PAK4: variants seen among roughly 807,000 people sequenced by gnomAD.
PAK4 encodes serine/threonine-protein kinase PAK 4.
In PAK4, 49 loss-of-function variants were observed where a neutral mutation model predicts 53.5. That is an observed-to-expected ratio of 0.92 (90% confidence interval 0.73 to 1.16). PAK4 has a LOEUF of 1.16. PAK4 is among the 50% of genes most tolerant of loss of function. The probability of loss-of-function intolerance (pLI) is 0.00; values close to 1 mark genes in which losing one functional copy is unlikely to be tolerated. For synonymous variants in PAK4, 376 were observed against 375.6 expected (o/e 1.00, Z -0.01); for missense variants, 824 against 850.7 (o/e 0.97, Z 0.39).
chr19:39,165,195 G>GATGATGATAATA (rs1364745681), intron 1 of PAK4, among the ~76,000 whole-genome samples: 25 of 128,432 alleles, frequency 1.9e-4, no homozygotes, highest in African/African-American at 7.4e-4. Flanking sequence ...TGATGATGAT[G>GATGATGATAATA]ATAATAATAA....
intron 1 of PAK4, among the ~76,000 whole-genome samples, chr19:39,162,267 T>C (rs571917328): frequency 6.6e-6 from 1 of 151,640 alleles, no homozygotes; most frequent in African/African-American, 2.4e-5. Context: ...AGCCTGTTAT[T>C]CTTATTTTTG....
At position 39,173,957 on chromosome 19, in the gene PAK4, G is replaced by A. The variant is rs547307282; in HGVS notation, c.1045G>A (p.Val349Ile). Residue 349 changes from valine to isoleucine, a missense_variant, in exon 4 of 9, where the codon GTC (valine) becomes ATC (isoleucine). By Grantham distance (29) the Val-to-Ile change is conservative (BLOSUM62 3). Coordinates refer to ENST00000358301, the Ensembl canonical transcript of PAK4. The surrounding 1 kb of genome is among the most constrained non-coding windows in gnomAD (Gnocchi z 6.9). ...GCGCAGCTCGGGCAAGCTGGTGGCC[G>A]TCAAGAAGATGGACCTGCGCAAGCA... 15 of 1,610,124 alleles carry A rather than the reference G, an allele frequency of 9.3e-6. No homozygotes were observed. The highest frequency in any genetic ancestry group is 1.7e-4 in the Middle Eastern group (1 of 6,058).
Position 39,177,668 on chromosome 19 carries a change from G to C in PAK4, c.1486-7G>C, listed in dbSNP as rs200152704. 13 of 1,610,610 alleles carry C rather than the reference G, an allele frequency of 8.1e-6. No homozygotes were observed. In the East Asian group the frequency reaches 1.8e-4, roughly 22 times the overall value. ...GCTCAGCCCTGCTGTCCCTTCTCCCGCCCCAGGTAGACATCTGGTCGCTGG... is the reference window on the plus strand; with the variant it reads ...GCTCAGCCCTGCTGTCCCTTCTCCCCCCCCAGGTAGACATCTGGTCGCTGG... On this transcript the variant is annotated splice_polypyrimidine_tract_variant and splice_region_variant and intron_variant, in intron 7 of 8. Coordinates refer to ENST00000358301, the Ensembl canonical transcript of PAK4.
At chr19:39,132,541 G>A (rs546012883) in intron 1 of PAK4, among the ~76,000 whole-genome samples, 3 of 152,360 alleles carry the variant, frequency 2.0e-5, no homozygotes, top group Admixed American at 2.0e-4. Flanking sequence ...CCACGCACAC[G>A]CGTGCCCCCA....
rs1250191776 is a variant in PAK4 at position 39,158,169 on chromosome 19, TTGTG to T, written c.-22-11362_-22-11359del. On this transcript the variant is annotated intron_variant, in intron 1 of 8. Transcript: ENST00000358301. Reference sequence around the variant, plus strand: ...TGCGTGTGTGCACATGTGTGCATGTTTGTGAGTGTGCATGTGTGTGAGCGTGCAT... The same window carrying T: ...TGCGTGTGTGCACATGTGTGCATGTTAGTGTGCATGTGTGTGAGCGTGCAT... 4.0e-5 allele frequency among the ~76,000 whole-genome samples: 6 copies of T among 149,352 alleles called. No homozygotes were observed. The East Asian group carries it at 9.8e-4, about 24-fold the overall frequency.
chr19:39,166,439 G>T (rs887616768), intron 1 of PAK4, among the ~76,000 whole-genome samples: 4 of 152,202 alleles, frequency 2.6e-5, no homozygotes, highest in Non-Finnish European at 5.9e-5. Flanking sequence ...GCAAGACTCC[G>T]TTTAAAATAA....
At chr19:39,182,100 G>C (rs1323638744), downstream of PAK4, 2 of 152,198 alleles carry the variant, frequency 1.3e-5, no homozygotes, top group Non-Finnish European at 2.9e-5. Flanking sequence ...CTGCCCTCCC[G>C]TGTAAAAGGC....
chr19:39,134,304 G>A (rs1037895925), intron 1 of PAK4, among the ~76,000 whole-genome samples: 2 of 152,168 alleles, frequency 1.3e-5, no homozygotes, highest in East Asian at 1.9e-4. Context: ...CCACCACCTC[G>A]GTAAAGACAG....
At chr19:39,177,263 G>A (rs1302615844) in intron 7 of PAK4, among the ~76,000 whole-genome samples, 1 of 152,192 alleles carries the variant, frequency 6.6e-6, no homozygotes, top group Non-Finnish European at 1.5e-5. Context: ...TCCCACCTAT[G>A]GGCTCCTCTT....
intron 1 of PAK4, among the ~76,000 whole-genome samples, chr19:39,157,914 T>C (rs2074212856): frequency 6.6e-6 from 1 of 152,248 alleles, no homozygotes; most frequent in African/African-American, 2.4e-5. Context: ...GTCTGTGTGA[T>C]GGTCTTAGGA....
At chr19:39,146,300 G>A (rs2073998289) in intron 1 of PAK4, among the ~76,000 whole-genome samples, 1 of 152,176 alleles carries the variant, frequency 6.6e-6, no homozygotes, top group African/African-American at 2.4e-5. Flanking sequence ...AAGACCCAGA[G>A]GACTGTGGGA....
At chr19:39,130,661 A>T (rs2073691776) in intron 1 of PAK4, among the ~76,000 whole-genome samples, 1 of 151,928 alleles carries the variant, frequency 6.6e-6, no homozygotes, top group African/African-American at 2.4e-5. Context: ...CATAAAATAT[A>T]AAATAAATAA....
chr19:39,146,564 G>A (rs1234458170), intron 1 of PAK4, among the ~76,000 whole-genome samples: 1 of 152,200 alleles, frequency 6.6e-6, no homozygotes, highest in Non-Finnish European at 1.5e-5. Context: ...ATGGCCAGGC[G>A]CAGTGGCTCA....
intron 1 of PAK4, among the ~76,000 whole-genome samples, chr19:39,162,982 G>C (rs1240349007): frequency 6.6e-6 from 1 of 152,124 alleles, no homozygotes; most frequent in South Asian, 2.1e-4. Flanking sequence ...GTTGGGGGCC[G>C]TGCAGGATGG....
intron 2 of PAK4, among the ~76,000 whole-genome samples, chr19:39,172,071 G>A (rs1455456788): frequency 6.6e-6 from 1 of 152,240 alleles, no homozygotes; most frequent in Admixed American, 6.5e-5. Flanking sequence ...GGCAGGGGCT[G>A]GCATTTTAGA....
intron 1 of PAK4, among the ~76,000 whole-genome samples, chr19:39,129,372 C>T (rs1166245884): frequency 1.3e-5 from 2 of 152,026 alleles, no homozygotes; most frequent in East Asian, 1.9e-4. Context: ...GAGCTATAAC[C>T]GTGCAGCAGT....
chr19:39,137,119 C>T (rs1335364210), intron 1 of PAK4, among the ~76,000 whole-genome samples: 1 of 152,186 alleles, frequency 6.6e-6, no homozygotes, highest in Non-Finnish European at 1.5e-5. Context: ...TCCTAACACA[C>T]TTATCCTGGT....
intron 1 of PAK4, among the ~76,000 whole-genome samples, chr19:39,144,096 G>GTAGATAGATAGATAGATAGA (rs74176490): frequency 6.8e-6 from 1 of 148,126 alleles, no homozygotes; most frequent in Non-Finnish European, 1.5e-5. Context: ...CCTATCTCAG[G>GTAGATAGATAGATAGATAGA]TAGATAGATA....
At chr19:39,174,089 C>T (rs2074552284) in intron 4 of PAK4, 79 bp downstream of exon 5, 2 of 916,742 alleles carry the variant, frequency 2.2e-6, no homozygotes, top group East Asian at 5.3e-5. Context: ...TCCCTCCTCT[C>T]CCTGCACTCC....
Sources: gnomAD v4.1 joint callset for allele counts (sites outside exome capture counted in the v4.1 genomes callset) on GRCh38, gnomAD v4.1.1 for gene constraint, Gnocchi (gnomAD v3.1) non-coding constraint, MANE v1.5 for transcripts, NCBI Gene and HGNC (gene_info 2026-07-23, HGNC 2026-07-21) for gene names.